CENPP: variants seen among roughly 807,000 people sequenced by gnomAD.
The protein encoded by CENPP is centromere protein P.
In CENPP, 24 loss-of-function variants were observed where a neutral mutation model predicts 35.6. The ratio of observed to expected loss-of-function variants is 0.67; its 90% confidence interval spans 0.49 to 0.95. CENPP has a LOEUF of 0.95. Among genes scored for constraint, CENPP ranks in the 40% least tolerant of loss-of-function variants. The pLI is 0.00. For missense variants in CENPP, 332 were observed against 345.3 expected, an observed-to-expected ratio of 0.96 and a Z score of 0.31; for synonymous variants, 120 against 125.5, an observed-to-expected ratio of 0.96 and a Z score of 0.29.
chr9:92,486,162 A>G (rs1846052995), intron 5 of CENPP, among the ~76,000 whole-genome samples: 1 of 152,102 alleles, frequency 6.6e-6, no homozygotes, highest in Admixed American at 6.5e-5. Flanking sequence ...GCTGTGAGGG[A>G]GTTAGCCGTG....
chr9:92,470,735 A>G (rs1845480204), intron 5 of CENPP: 1 of 1,599,000 alleles, frequency 6.3e-7, no homozygotes, highest in Non-Finnish European at 8.5e-7. Context: ...TTTGAAGATC[A>G]AGCATTCGAG....
In CENPP at chr9:92,522,829, A is replaced by G. The variant is rs1848162146; in HGVS notation, c.565-88485A>G. On this transcript the variant is annotated intron_variant, in intron 5 of 7. Transcript: ENST00000375587. ...TTTTCCAAAGTCAGTTTGAAAAATG[A>G]TAAGCAGAAAAAAACAAAACAAAAC... 6.2e-6 allele frequency: 10 copies of G among 1,610,260 alleles called. No individual in the cohort carries two copies. The South Asian group carries it at 7.8e-5, about 13-fold the overall frequency.
chr9:92,517,978 G>T, intron 5 of CENPP: 1 of 1,336,692 alleles, frequency 7.5e-7, no homozygotes, highest in Non-Finnish European at 1.0e-6. Flanking sequence ...AACCACACAA[G>T]AATAGAATTC....
rs1851333850 is a variant in CENPP at position 92,613,446 on chromosome 9, C to CGG, written c.*297_*298insGG. ...AGATGTGTGGGGAGGATCCATCCCC[C>CGG]ACCCACTGCAGCCTCACACCGAGTC... On this transcript the variant is annotated 3_prime_UTR_variant, in exon 8 of 8. Coordinates refer to ENST00000375587, the MANE Select transcript of CENPP (RefSeq NM_001012267.3). 3.0e-6 allele frequency: 1 copy of CGG among 329,994 alleles called. No homozygotes were observed. The highest frequency in any genetic ancestry group is 2.1e-5 in the African/African-American group (1 of 47,114). The allele number at this position is 329,994 out of a possible 1,614,324, so 20.4% of individuals were successfully genotyped here.
intron 5 of CENPP, among the ~76,000 whole-genome samples, chr9:92,407,218 T>G (rs1024331236): frequency 6.6e-6 from 1 of 152,172 alleles, no homozygotes; most frequent in African/African-American, 2.4e-5. Flanking sequence ...GATTGATTGA[T>G]TGATTGAATT....
chr9:92,347,248 A>G (rs1224508510), intron 4 of CENPP, among the ~76,000 whole-genome samples: 1 of 152,266 alleles, frequency 6.6e-6, no homozygotes, highest in Non-Finnish European at 1.5e-5. Flanking sequence ...GTGTCATGGC[A>G]GAGATCACAT....
rs114891513 is a variant in CENPP, at chr9:92,393,257, T to G, written c.564+13398T>G. 268 of 1,563,676 alleles carry G rather than the reference T, an allele frequency of 1.7e-4. 2 individuals are homozygous for G. The African/African-American group carries it at 3.2e-3, about 19-fold the overall frequency. On this transcript the variant is annotated intron_variant, in intron 5 of 7. Transcript: ENST00000375587. ...CACGTGGGCATTTCTAAATTGGGAA[T>G]AAAATCATAAAAATATGAACAATCG...
Position 92,617,955 on chromosome 9 carries a change from T to C in CENPP, c.*4806T>C, listed in dbSNP as rs1851495097. On this transcript the variant is annotated 3_prime_UTR_variant, in exon 8 of 8. Transcript: ENST00000375587. ...GGGGGTGTAAGAAGTTTAAATGTGG[T>C]CAATCTATCTGTGAGCTGCAAATTA... The C allele has an allele frequency of 3.2e-6, 1 of 309,006 alleles. No homozygotes were observed. Among genetic ancestry groups the C allele is most frequent in the Admixed American group, 4.3e-5 (1 of 23,368 alleles). 19.1% of individuals were successfully genotyped at this position (309,006 alleles called of 1,614,324 possible). A position where few individuals can be genotyped will look rare whatever the true frequency, so the allele number is the denominator to read the frequency against.
chr9:92,454,486 A>G (rs1480653626), intron 5 of CENPP, among the ~76,000 whole-genome samples: 1 of 152,162 alleles, frequency 6.6e-6, no homozygotes, highest in African/African-American at 2.4e-5. Flanking sequence ...ACTTTTACAT[A>G]TGTTCTTATA....
intron 5 of CENPP, among the ~76,000 whole-genome samples, chr9:92,513,819 C>T (rs1170504134): frequency 1.3e-5 from 2 of 152,258 alleles, no homozygotes; most frequent in Admixed American, 6.5e-5. Context: ...ATAGAATGTC[C>T]TATATCTTAA....
intron 1 of CENPP, among the ~76,000 whole-genome samples, chr9:92,327,396 G>A (rs1438884338): frequency 2.0e-5 from 3 of 152,214 alleles, no homozygotes; most frequent in African/African-American, 7.2e-5. Flanking sequence ...TGGAGGAGGA[G>A]GGGTTGGGGC....
chr9:92,432,692 G>A (rs886535254), intron 5 of CENPP, among the ~76,000 whole-genome samples: 3 of 152,104 alleles, frequency 2.0e-5, no homozygotes, highest in Non-Finnish European at 4.4e-5. Context: ...TTATATACAC[G>A]ATTAAAAAAT....
At chr9:92,524,544 C>G (rs1295244257) in intron 5 of CENPP, among the ~76,000 whole-genome samples, 3 of 152,162 alleles carry the variant, frequency 2.0e-5, no homozygotes, top group Non-Finnish European at 4.4e-5. Context: ...TTGACTGCCT[C>G]TCAGAATTCT....
In CENPP at chr9:92,399,580, T is replaced by A. The variant is rs1224709235; in HGVS notation, c.564+19721T>A. Reference sequence around the variant, plus strand: ...GGTCAAATTTATTGTTCTGTTCTATTGTTGTCTCTGGATTTTGAGGCACCC... The same window carrying A: ...GGTCAAATTTATTGTTCTGTTCTATAGTTGTCTCTGGATTTTGAGGCACCC... On this transcript the variant is annotated intron_variant, in intron 5 of 7. Transcript: ENST00000375587. Among the ~76,000 whole-genome samples the A allele has an allele frequency of 2.0e-5, 3 of 152,220 alleles. No individual in the cohort carries two copies. The East Asian group carries it at 5.8e-4, about 29-fold the overall frequency.
chr9:92,598,574 A>G (rs1395155538), intron 5 of CENPP, among the ~76,000 whole-genome samples: 1 of 152,226 alleles, frequency 6.6e-6, no homozygotes, highest in Non-Finnish European at 1.5e-5. Context: ...ACAAGGGTCC[A>G]GTTGGAACAA....
At chr9:92,455,936 T>C (rs1406530912) in intron 5 of CENPP, among the ~76,000 whole-genome samples, 1 of 152,104 alleles carries the variant, frequency 6.6e-6, no homozygotes, top group African/African-American at 2.4e-5. Context: ...CTGGGCATGG[T>C]GGCATGTGCC....
Position 92,466,039 on chromosome 9 carries a change from G to A in CENPP, c.564+86180G>A, listed in dbSNP as rs369848705. On this transcript the variant is annotated intron_variant, in intron 5 of 7. Transcript: ENST00000375587. ...GTAGAGACAGGGTTTTACTATGTTG[G>A]CCAGGCTAGTCTCAAACTCCTGACC... is the stretch of plus-strand genomic sequence containing the variant. 9.0e-4 allele frequency among the ~76,000 whole-genome samples: 137 copies of A among 152,150 alleles called. 1 individual carries two copies. The highest frequency in any genetic ancestry group is 3.0e-3 in the African/African-American group (126 of 41,494).
At chr9:92,403,506 C>T in intron 5 of CENPP, 4 of 1,470,186 alleles carry the variant, frequency 2.7e-6, no homozygotes, top group Middle Eastern at 1.9e-4. Context: ...TTCAGACCAT[C>T]GAAGCAATAT....
chr9:92,437,382 A>T (rs142323646), intron 5 of CENPP, among the ~76,000 whole-genome samples: 2 of 149,488 alleles, frequency 1.3e-5, no homozygotes, highest in Non-Finnish European at 1.5e-5. Context: ...CTAGTGTATG[A>T]TTAGTCTTTT....
Sources: gnomAD v4.1 joint callset for allele counts (sites outside exome capture counted in the v4.1 genomes callset) on GRCh38, gnomAD v4.1.1 for gene constraint, MANE v1.5 for transcripts, NCBI Gene and HGNC (gene_info 2026-07-23, HGNC 2026-07-21) for gene names.